The following TTBK2 variants were observed in gnomAD, a reference collection of about 807,000 sequenced individuals.
TTBK2 encodes tau-tubulin kinase 2.
Under a neutral mutation model 110.8 loss-of-function variants are expected in TTBK2, and 28 were observed. The observed-to-expected ratio is 0.25, with a 90% CI of 0.19 to 0.35. TTBK2 has a LOEUF of 0.35. Among genes scored for constraint, TTBK2 ranks in the 10% least tolerant of loss-of-function variants. TTBK2 has a pLI of 1.00. For missense variants in TTBK2, 1,369 were observed against 1,500.3 expected (o/e 0.91, Z 1.45); for synonymous variants, 532 against 527.3 (o/e 1.01, Z -0.12).
intron 1 of TTBK2, among the ~76,000 whole-genome samples, chr15:42,906,096 G>T (rs1018079855): frequency 1.3e-5 from 2 of 152,096 alleles, no homozygotes; most frequent in African/African-American, 4.8e-5. Context: ...GCTGAGGCAG[G>T]AGAATCACTT....
At chr15:42,807,429 T>A (rs539802031) in intron 9 of TTBK2, among the ~76,000 whole-genome samples, 3 of 150,728 alleles carry the variant, frequency 2.0e-5, no homozygotes, top group Non-Finnish European at 4.4e-5. Flanking sequence ...TATTATTATT[T>A]TTGAGATGGA....
intron 6 of TTBK2, among the ~76,000 whole-genome samples, chr15:42,817,529 G>T (rs1892090048): frequency 6.6e-6 from 1 of 152,082 alleles, no homozygotes; most frequent in African/African-American, 2.4e-5. Context: ...TCATATCTTG[G>T]CTATTTCATT....
intron 13 of TTBK2, among the ~76,000 whole-genome samples, chr15:42,756,876 AAAAC>A: frequency 6.6e-6 from 1 of 152,154 alleles, no homozygotes; most frequent in African/African-American, 2.4e-5. Flanking sequence ...AAAAAAAACA[AAAAC>A]AAAAACAAAA....
At chr15:42,912,716 T>C (rs1175434064) in intron 1 of TTBK2, among the ~76,000 whole-genome samples, 1 of 151,086 alleles carries the variant, frequency 6.6e-6, no homozygotes, top group Admixed American at 6.6e-5. Flanking sequence ...CAAAACTCCA[T>C]CTCAAAAAAA....
chr15:42,824,740 A>G (rs1892455604), intron 6 of TTBK2, among the ~76,000 whole-genome samples: 1 of 152,138 alleles, frequency 6.6e-6, no homozygotes. Context: ...GAGGAAAGAA[A>G]GGAGCAGAAA....
At chr15:42,762,283 T>C (rs1274617306) in intron 13 of TTBK2, among the ~76,000 whole-genome samples, 1 of 152,166 alleles carries the variant, frequency 6.6e-6, no homozygotes, top group Non-Finnish European at 1.5e-5. Flanking sequence ...AGAACTACCA[T>C]ACAATTCAGC....
At chr15:42,909,773 C>A (rs1273873518) in intron 1 of TTBK2, among the ~76,000 whole-genome samples, 1 of 152,010 alleles carries the variant, frequency 6.6e-6, no homozygotes, top group African/African-American at 2.4e-5. Flanking sequence ...AACTAAACTA[C>A]GTTAAATGGA....
chr15:42,806,722 A>T (rs549048863), intron 9 of TTBK2, among the ~76,000 whole-genome samples: 1 of 152,264 alleles, frequency 6.6e-6, no homozygotes, highest in East Asian at 1.9e-4. Context: ...CTTGGCTTAC[A>T]ATCAAGCTTC....
At chr15:42,767,005 A>C (rs1403755297) in intron 13 of TTBK2, among the ~76,000 whole-genome samples, 1 of 152,240 alleles carries the variant, frequency 6.6e-6, no homozygotes, top group Non-Finnish European at 1.5e-5. Context: ...AACTACATGG[A>C]AACTGAACAA....
Position 42,760,184 on chromosome 15 carries a change from G to C in TTBK2, c.1999-6937C>G, listed in dbSNP as rs1317017242. Among the ~76,000 whole-genome samples, 6 of 152,018 alleles carry C rather than the reference G, an allele frequency of 3.9e-5. No homozygotes were observed. The South Asian group carries it at 1.0e-3, about 26-fold the overall frequency. On this transcript the variant is annotated intron_variant, in intron 13 of 14. Coordinates refer to ENST00000267890, the MANE Select transcript of TTBK2 (RefSeq NM_173500.4). ...GCAGATAACTTGAGGTCAGGAGTTT[G>C]AGACCAGCCTGGCCAACATGGTGAA... is the stretch of plus-strand genomic sequence containing the variant.
intron 10 of TTBK2, among the ~76,000 whole-genome samples, chr15:42,790,235 G>A (rs552091310): frequency 1.1e-4 from 17 of 151,874 alleles, no homozygotes; most frequent in African/African-American, 2.7e-4. Context: ...TATGTGCACA[G>A]TATCTTGCTA....
In TTBK2 at chr15:42,827,279, TAAACA is replaced by T. The variant is rs1054703635; in HGVS notation, c.537+644_537+648del. Among the ~76,000 whole-genome samples the T allele has an allele frequency of 2.0e-5, 3 of 152,054 alleles. 1 individual carries two copies. The highest frequency in any genetic ancestry group is 1.5e-5 in the Non-Finnish European group (1 of 68,010). ...TCACTAAAATGATCCTGTCGGACAC[TAAACA>T]AAAAATAACAACAAGCCCTAGAAGG... On this transcript the variant is annotated intron_variant, in intron 6 of 14. Transcript: ENST00000267890.
chr15:42,822,962 C>T (rs1359323488), intron 6 of TTBK2, among the ~76,000 whole-genome samples: 3 of 152,178 alleles, frequency 2.0e-5, no homozygotes, highest in African/African-American at 7.2e-5. Flanking sequence ...TAGGAATGAG[C>T]CCTGGCCTAT....
intron 2 of TTBK2, among the ~76,000 whole-genome samples, chr15:42,878,257 T>C (rs1021027643): frequency 7.2e-4 from 109 of 151,900 alleles, no homozygotes; most frequent in African/African-American, 2.5e-3. Context: ...GCTGGGATTA[T>C]AGGCGAGAGC....
intron 3 of TTBK2, among the ~76,000 whole-genome samples, chr15:42,848,298 A>G (rs1893551222): frequency 6.6e-6 from 1 of 152,086 alleles, no homozygotes; most frequent in South Asian, 2.1e-4. Flanking sequence ...CAGCTTCTCT[A>G]TAACTACAAA....
chr15:42,785,449 T>TC (rs781106319), intron 10 of TTBK2, among the ~76,000 whole-genome samples: 2 of 152,044 alleles, frequency 1.3e-5, no homozygotes, highest in Admixed American at 6.6e-5. Flanking sequence ...AAGCACCTAC[T>TC]ACATGCAAGG....
At chr15:42,896,282 C>G (rs1441614985) in intron 1 of TTBK2, among the ~76,000 whole-genome samples, 2 of 151,800 alleles carry the variant, frequency 1.3e-5, no homozygotes, top group Admixed American at 1.3e-4. Flanking sequence ...GAGCTGAGAT[C>G]GTGCCATTAC....
At chr15:42,764,508 C>T (rs1274652981) in intron 13 of TTBK2, among the ~76,000 whole-genome samples, 4 of 152,248 alleles carry the variant, frequency 2.6e-5, no homozygotes, top group Non-Finnish European at 4.4e-5. Context: ...TCACTGCTAG[C>T]GCAGCAGTCT....
At position 42,815,958 on chromosome 15, in the gene TTBK2, A is replaced by AAATATATATATATATATATATAT. The variant is rs71108183; in HGVS notation, c.603+1073_603+1074insATATATATATATATATATATATT. Reference sequence around the variant, plus strand: ...TATATATATATATATTTAAAAAAAAAATATATATATATATATATATTTGAG... The same window carrying AAATATATATATATATATATATAT: ...TATATATATATATATTTAAAAAAAAAAATATATATATATATATATATATATATATATATATATATATATTTGAG... On this transcript the variant is annotated intron_variant, in intron 7 of 14. Transcript: ENST00000267890. Among the ~76,000 whole-genome samples the AAATATATATATATATATATATAT allele has an allele frequency of 2.5e-4, 23 of 91,692 alleles. 1 individual carries two copies. The highest frequency in any genetic ancestry group is 1.1e-3 in the African/African-American group (18 of 16,142). The allele number at this position is 91,692 out of a possible 152,430, so 60.2% of individuals were successfully genotyped here.
Sources: allele counts gnomAD v4.1 joint callset (sites outside exome capture counted in the v4.1 genomes callset), GRCh38; gene constraint gnomAD v4.1.1; transcripts MANE v1.5; gene names NCBI Gene and HGNC (gene_info 2026-07-23, HGNC 2026-07-21).